BMP7: variants seen among roughly 807,000 people sequenced by gnomAD.
The protein encoded by BMP7 is bone morphogenetic protein 7, also known as osteogenic protein 1.
In BMP7, 12 loss-of-function variants were observed where a neutral mutation model predicts 41.2. That is an observed-to-expected ratio of 0.29 (90% CI 0.19 to 0.47). The LOEUF is 0.47. Ranked by LOEUF, BMP7 falls within the 20% of genes least tolerant of loss-of-function variation. The pLI is 0.99. For synonymous variants in BMP7, 248 were observed against 250.0 expected, an observed-to-expected ratio of 0.99 and a Z score of 0.07; for missense variants, 467 against 606.0, an observed-to-expected ratio of 0.77 and a Z score of 2.41.
intron 3 of BMP7, among the ~76,000 whole-genome samples, chr20:57,197,534 G>A (rs1984521144): frequency 6.6e-6 from 1 of 150,826 alleles, no homozygotes; most frequent in Non-Finnish European, 1.5e-5. Flanking sequence ...CAATCCTCTG[G>A]CCAAAGCCCA....
intron 1 of BMP7, among the ~76,000 whole-genome samples, chr20:57,257,235 T>C (rs1247310897): frequency 2.6e-5 from 4 of 152,210 alleles, no homozygotes; most frequent in Non-Finnish European, 5.9e-5. Flanking sequence ...ACTTCATTTA[T>C]ACTGACCAGA....
At chr20:57,257,713 G>C (rs540082122) in intron 1 of BMP7, among the ~76,000 whole-genome samples, 54 of 150,876 alleles carry the variant, frequency 3.6e-4, no homozygotes, top group African/African-American at 1.3e-3. Context: ...CAATATCTGA[G>C]CACCTTCTAT....
At chr20:57,178,810 T>C (rs1218963399) in intron 4 of BMP7, among the ~76,000 whole-genome samples, 1 of 152,122 alleles carries the variant, frequency 6.6e-6, no homozygotes, top group African/African-American at 2.4e-5. Flanking sequence ...CTTGGTGTCC[T>C]GAGTCAAGGA....
chr20:57,183,665 G>A (rs1022891773), intron 4 of BMP7, 57 bp downstream of exon 4: 46 of 1,607,274 alleles, frequency 2.9e-5, no homozygotes, highest in Admixed American at 6.7e-5. Context: ...GCCGGGTCCC[G>A]CCGGGGCCCT....
Position 57,202,591 on chromosome 20 carries a change from G to A in BMP7, c.644C>T (p.Thr215Ile), listed in dbSNP as rs751368146. ...ESDLFLLDSR[T>I]LWASEEGWLV... is the part of the protein sequence containing the mutation. ...CCAGCCCTCCTCCGAGGCCCAGAGG[G>A]TACGGCTGTCGAGCAGGAAGAGATC... Residue 215 changes from threonine (T) to isoleucine (I), a missense_variant, in exon 3 of 7, where the codon ACC (threonine) becomes ATC (isoleucine). By Grantham distance (89) the Thr-to-Ile change is moderately conservative (BLOSUM62 -1). Coordinates refer to ENST00000395863, the MANE Select transcript of BMP7 (RefSeq NM_001719.3). The A allele has an allele frequency of 8.7e-6, 14 of 1,612,322 alleles. No individual in the cohort carries two copies. In the Admixed American group the frequency reaches 1.0e-4, roughly 12 times the overall value.
In BMP7 at chr20:57,207,475, G is replaced by C. The variant is rs930201140; in HGVS notation, c.612-4852C>G. Among the ~76,000 whole-genome samples, 4 of 152,276 alleles carry C rather than the reference G, an allele frequency of 2.6e-5. No individual in the cohort carries two copies. In the East Asian group the frequency reaches 5.8e-4, roughly 22 times the overall value. Reference sequence around the variant, plus strand: ...GATGTTGTTTTAAGCCACTACATATGAGTGGTTAGTTTCAGAGACAGATAA... The same window carrying C: ...GATGTTGTTTTAAGCCACTACATATCAGTGGTTAGTTTCAGAGACAGATAA... On this transcript the variant is annotated intron_variant, in intron 2 of 6. Transcript: ENST00000395863.
chr20:57,261,830 C>A lies in BMP7; in HGVS notation c.418+3875G>T, dbSNP rs1192312056. ...GGAAATTTTTAAACTGTAACAGAAT[C>A]TTTTTCTAATACTCTACAGTGGTAG... On this transcript the variant is annotated intron_variant, in intron 1 of 6. Coordinates refer to ENST00000395863, the MANE Select transcript of BMP7 (RefSeq NM_001719.3). The surrounding 1 kb of genome is among the most constrained non-coding windows in gnomAD (Gnocchi z 4.1). Among the ~76,000 whole-genome samples, 3 of 152,196 alleles carry A rather than the reference C, an allele frequency of 2.0e-5. No individual in the cohort carries two copies. The highest frequency in any genetic ancestry group is 7.2e-5 in the African/African-American group (3 of 41,454).
rs555311752 is a variant in BMP7 at position 57,214,529 on chromosome 20, C to T, written c.612-11906G>A. Among the ~76,000 whole-genome samples the T allele has an allele frequency of 5.3e-5, 8 of 152,312 alleles. No individual in the cohort carries two copies. In the South Asian group the frequency reaches 1.7e-3, roughly 32 times the overall value. On this transcript the variant is annotated intron_variant, in intron 2 of 6. Coordinates refer to ENST00000395863, the MANE Select transcript of BMP7 (RefSeq NM_001719.3). The surrounding 1 kb of genome is among the most constrained non-coding windows in gnomAD (Gnocchi z 4.0). ...CTGGATGGTCCGGCCCCTGTCTCCA[C>T]AGCCTCCTCCCACCCAGCCCTCCTC...
chr20:57,229,057 G>C (rs1361815659), intron 1 of BMP7, among the ~76,000 whole-genome samples: 1 of 152,168 alleles, frequency 6.6e-6, no homozygotes, highest in African/African-American at 2.4e-5. Context: ...GCCCAAGTCT[G>C]GGATGGTAAA....
rs1042963222 is a variant in BMP7, at chr20:57,174,600, T to A, written c.1035+331A>T. Among the ~76,000 whole-genome samples, 22 of 152,056 alleles carry A rather than the reference T, an allele frequency of 1.4e-4. No individual in the cohort carries two copies. Among genetic ancestry groups the A allele is most frequent in the African/African-American group, 5.1e-4 (21 of 41,404 alleles). On this transcript the variant is annotated intron_variant, in intron 5 of 6. Coordinates refer to ENST00000395863, the MANE Select transcript of BMP7 (RefSeq NM_001719.3). This position sits in a 1 kb window ranked among gnomAD's most constrained non-coding sequence, Gnocchi z 4.3. ...GTCAGAGGGCAGAGGGGGAGATGGC[T>A]CCCCAGGTATCTACATTCAAACACA...
intron 4 of BMP7, among the ~76,000 whole-genome samples, chr20:57,183,132 G>A (rs1984122801): frequency 6.6e-6 from 1 of 152,136 alleles, no homozygotes; most frequent in Admixed American, 6.5e-5. Flanking sequence ...CTACTCGGGA[G>A]GCTGAGGCTG....
chr20:57,260,341 T>G (rs2146032662), intron 1 of BMP7, among the ~76,000 whole-genome samples: 1 of 152,270 alleles, frequency 6.6e-6, no homozygotes, highest in Middle Eastern at 3.4e-3. Context: ...TACACACATG[T>G]CCACCTGCAT....
intron 1 of BMP7, among the ~76,000 whole-genome samples, chr20:57,236,960 T>C (rs984396678): frequency 6.6e-6 from 1 of 152,204 alleles, no homozygotes; most frequent in Non-Finnish European, 1.5e-5. Flanking sequence ...CAAAACTTTA[T>C]GGTCTTCAGA....
intron 1 of BMP7, among the ~76,000 whole-genome samples, chr20:57,262,338 C>A (rs577514403): frequency 1.3e-5 from 2 of 152,290 alleles, no homozygotes; most frequent in South Asian, 4.1e-4. Context: ...CTTAAGGGGC[C>A]CAGGCTGGGA....
At chr20:57,179,568 G>C (rs1022988122) in intron 4 of BMP7, among the ~76,000 whole-genome samples, 2 of 152,222 alleles carry the variant, frequency 1.3e-5, no homozygotes, top group African/African-American at 2.4e-5. Flanking sequence ...AGCTCCGCGT[G>C]GGGTAGCGTG....
Position 57,265,712 on chromosome 20 carries a change from G to A in BMP7, c.411C>T (p.Val137=). The A allele has an allele frequency of 6.2e-7, 1 of 1,604,980 alleles. No homozygotes were observed. Among genetic ancestry groups the A allele is most frequent in the Non-Finnish European group, 8.5e-7 (1 of 1,175,780 alleles). The change falls in exon 1 of 7, where the codon GTC becomes GTT. Residue 137 remains valine (V), a synonymous_variant. Transcript: ENST00000395863. ...TCGCCTGCCCTTACTCACCGAGGTT[G>A]ACGAAGCTCATGACCATGTCGGCGT... ...LTDADMVMSF[V]NLVEHDKEFF... is the part of the protein sequence containing the mutation.
In BMP7 at chr20:57,224,030, C is replaced by T. The variant is rs1985251218; in HGVS notation, c.611+4199G>A. 1.3e-5 allele frequency among the ~76,000 whole-genome samples: 2 copies of T among 152,184 alleles called. No individual in the cohort carries two copies. The highest frequency in any genetic ancestry group is 4.8e-5 in the African/African-American group (2 of 41,452). On this transcript the variant is annotated intron_variant, in intron 2 of 6. Coordinates refer to ENST00000395863, the MANE Select transcript of BMP7 (RefSeq NM_001719.3). This position sits in a 1 kb window ranked among gnomAD's most constrained non-coding sequence, Gnocchi z 4.8. ...TATGGACCAAAATCATCACGGCGTC[C>T]CCAGGGAGCTTCTCAGAAAGGCAGA...
Position 57,170,715 on chromosome 20 carries a change from G to T in BMP7, c.*244C>A, listed in dbSNP as rs909240234. 2 of 493,476 alleles carry T rather than the reference G, an allele frequency of 4.1e-6. No homozygotes were observed. Among genetic ancestry groups the T allele is most frequent in the Non-Finnish European group, 7.2e-6 (2 of 276,670 alleles). 30.6% of individuals were successfully genotyped at this position (493,476 alleles called of 1,614,324 possible). ...GCCCGGCCATTTTTCTTTATGCGTTGTTTTTTTTTCCTGCTAGGTTTTGCC... is the reference window on the plus strand; with the variant it reads ...GCCCGGCCATTTTTCTTTATGCGTTTTTTTTTTTTCCTGCTAGGTTTTGCC... On this transcript the variant is annotated 3_prime_UTR_variant, in exon 7 of 7. Coordinates refer to ENST00000395863, the MANE Select transcript of BMP7 (RefSeq NM_001719.3).
At chr20:57,239,622 C>G (rs2066061525) in intron 1 of BMP7, among the ~76,000 whole-genome samples, 1 of 152,234 alleles carries the variant, frequency 6.6e-6, no homozygotes, top group Admixed American at 6.5e-5. Flanking sequence ...CCCCACTGCC[C>G]TAGCGGAGGT....
Sources: allele counts gnomAD v4.1 joint callset (sites outside exome capture counted in the v4.1 genomes callset), GRCh38; gene constraint gnomAD v4.1.1; non-coding constraint Gnocchi (gnomAD v3.1); transcripts MANE v1.5; gene names NCBI Gene and HGNC (gene_info 2026-07-23, HGNC 2026-07-21).